PSMA5: variants seen among roughly 807,000 people sequenced by gnomAD.
PSMA5 encodes proteasome subunit alpha type-5.
Under a neutral mutation model 34.5 loss-of-function variants are expected in PSMA5, and 3 were observed. The observed-to-expected ratio is 0.09, with a 90% CI of 0.04 to 0.22. The LOEUF (loss-of-function observed/expected upper bound fraction) is 0.22, where lower values mean the gene tolerates loss of function less well. PSMA5 is among the 10% of genes least tolerant of loss of function. The pLI is 1.00. For synonymous variants in PSMA5, 88 were observed against 95.8 expected, an observed-to-expected ratio of 0.92 and a Z score of 0.47; for missense variants, 120 against 286.1, an observed-to-expected ratio of 0.42 and a Z score of 4.19.
intron 8 of PSMA5, among the ~76,000 whole-genome samples, chr1:109,402,498 C>T (rs1457505784): frequency 6.6e-6 from 1 of 152,168 alleles, no homozygotes; most frequent in Non-Finnish European, 1.5e-5. Flanking sequence ...CTTGAGGTTA[C>T]TTGGCCACTC....
chr1:109,412,629 T>TAAAA lies in PSMA5; in HGVS notation c.291+435_291+438dup, dbSNP rs5776976. On this transcript the variant is annotated intron_variant, in intron 4 of 8. Coordinates refer to ENST00000271308, the MANE Select transcript of PSMA5 (RefSeq NM_002790.4). ...ATCTTCAAGCAGCAGCTACAAAGTTTAAAAAAAAAAAAAACAGTATCCCTG... is the reference window on the plus strand; with the variant it reads ...ATCTTCAAGCAGCAGCTACAAAGTTTAAAAAAAAAAAAAAAAAACAGTATCCCTG... 2.8e-3 allele frequency: 425 copies of TAAAA among 150,510 alleles called. 4 individuals carry two copies. Among genetic ancestry groups the TAAAA allele is most frequent in the African/African-American group, 0.01 (399 of 39,046 alleles). 9.3% of individuals were successfully genotyped at this position (150,510 alleles called of 1,614,324 possible). A position where few individuals can be genotyped will look rare whatever the true frequency, so the allele number is the denominator to read the frequency against.
chr1:109,402,107 A>G lies in PSMA5; in HGVS notation c.649-17T>C. On this transcript the variant is annotated splice_polypyrimidine_tract_variant and intron_variant, in intron 8 of 8. Transcript: ENST00000271308. The stretch of plus-strand genomic sequence containing the variant: ...TGTGGCTAGCTGGAAAGAAAACAGA[A>G]GGGTTAATAAGCTGGGCTGAGTTAC... 1 of 1,597,302 alleles carries G rather than the reference A, an allele frequency of 6.3e-7. No homozygotes were observed. Among genetic ancestry groups the G allele is most frequent in the Non-Finnish European group, 8.6e-7 (1 of 1,167,024 alleles).
rs114999331 is a variant in PSMA5, at chr1:109,422,433, G to A, written c.30-507C>T. Among the ~76,000 whole-genome samples the A allele has an allele frequency of 5.4e-3, 815 of 151,912 alleles. 4 individuals are homozygous for A. Among genetic ancestry groups the A allele is most frequent in the Admixed American group, 9.5e-3 (145 of 15,270 alleles). On this transcript the variant is annotated intron_variant, in intron 1 of 8. Transcript: ENST00000271308. ...AGGTATTGACTCGTGGAGCAAGTAG[G>A]AAGAGTTTTCCCCCTAATTCAGACA... is the stretch of plus-strand genomic sequence containing the variant.
chr1:109,426,386 CCACCGGCACCCAACT>C lies in PSMA5; in HGVS notation c.-71_-57del, dbSNP rs568267405. On this transcript the variant is annotated 5_prime_UTR_variant, in exon 1 of 9. Coordinates refer to ENST00000271308, the MANE Select transcript of PSMA5 (RefSeq NM_002790.4). ...GGGGATTCTGAGGACCAACACGACT[CCACCGGCACCCAACT>C]CACCGGCAGCCAACTCACCCACACG... is the stretch of plus-strand genomic sequence containing the variant. The C allele has an allele frequency of 1.2e-4, 200 of 1,603,350 alleles. No homozygotes were observed. In the East Asian group the frequency reaches 4.0e-3, roughly 32 times the overall value.
rs1298785183 is a variant in PSMA5, at chr1:109,421,850, G to A, written c.96+10C>T. ...TGAAATTTCAGGACCTATGCTACTT[G>A]CTACTATACCTTGATAGCCTCAATG... On this transcript the variant is annotated intron_variant, in intron 2 of 8. Transcript: ENST00000271308. 6 of 1,554,320 alleles carry A rather than the reference G, an allele frequency of 3.9e-6. No homozygotes were observed. Among genetic ancestry groups the A allele is most frequent in the Non-Finnish European group, 5.2e-6 (6 of 1,156,788 alleles).
intron 2 of PSMA5, among the ~76,000 whole-genome samples, chr1:109,416,147 C>T (rs1654185388): frequency 6.6e-6 from 1 of 152,076 alleles, no homozygotes; most frequent in African/African-American, 2.4e-5. Context: ...ATTCATATTC[C>T]ATGCCTAGAT....
At chr1:109,416,998 G>A (rs908043481) in intron 2 of PSMA5, among the ~76,000 whole-genome samples, 1 of 152,180 alleles carries the variant, frequency 6.6e-6, no homozygotes, top group African/African-American at 2.4e-5. Flanking sequence ...CCAGCTACGC[G>A]GAAGGCTGAA....
chr1:109,426,336 G>C lies in PSMA5; in HGVS notation c.-6C>G, dbSNP rs781723154. The C allele has an allele frequency of 6.2e-7, 1 of 1,614,144 alleles. No homozygotes were observed. Among genetic ancestry groups the C allele is most frequent in the Non-Finnish European group, 8.5e-7 (1 of 1,180,026 alleles). On this transcript the variant is annotated 5_prime_UTR_variant, in exon 1 of 9. Transcript: ENST00000271308. ...TCAGACCGGGTAAGAAACATGGCGA[G>C]GGTAGGAGGAGGCAGCGGCTACGCG...
chr1:109,425,983 C>A, intron 1 of PSMA5: 1 of 508,716 alleles, frequency 2.0e-6, no homozygotes, highest in South Asian at 2.6e-5. Flanking sequence ...ATGAACGGAG[C>A]AAAGAGTGAC....
At chr1:109,417,912 C>T (rs1313901884) in intron 2 of PSMA5, among the ~76,000 whole-genome samples, 2 of 152,146 alleles carry the variant, frequency 1.3e-5, no homozygotes, top group African/African-American at 4.8e-5. Context: ...TTGATATCTA[C>T]TGCTCTGTTT....
intron 1 of PSMA5, among the ~76,000 whole-genome samples, chr1:109,424,131 ACT>A (rs762591043): frequency 1.3e-5 from 2 of 151,764 alleles, no homozygotes; most frequent in Non-Finnish European, 2.9e-5. Flanking sequence ...TTAAATTCCT[ACT>A]CTTTCAAGAA....
chr1:109,420,267 C>T (rs1654387209), intron 2 of PSMA5, among the ~76,000 whole-genome samples: 2 of 152,052 alleles, frequency 1.3e-5, no homozygotes, highest in African/African-American at 4.8e-5. Context: ...GAGAGGGTCA[C>T]CCTATCCCCA....
At chr1:109,423,237 G>A (rs1654518599) in intron 1 of PSMA5, among the ~76,000 whole-genome samples, 1 of 152,192 alleles carries the variant, frequency 6.6e-6, no homozygotes, top group African/African-American at 2.4e-5. Flanking sequence ...TCAGGAGTTC[G>A]AGACCAGGCT....
chr1:109,407,749 C>T (rs1653836097), intron 8 of PSMA5, among the ~76,000 whole-genome samples: 5 of 152,142 alleles, frequency 3.3e-5, no homozygotes. Context: ...TCAAGCAATT[C>T]TCATGCCTCA....
At chr1:109,410,797 G>T (rs1653956788) in intron 7 of PSMA5, among the ~76,000 whole-genome samples, 1 of 152,160 alleles carries the variant, frequency 6.6e-6, no homozygotes, top group Non-Finnish European at 1.5e-5. Flanking sequence ...AAAACTAATG[G>T]AGAGTGGTAA....
chr1:109,422,868 G>T (rs1486623717), intron 1 of PSMA5, among the ~76,000 whole-genome samples: 1 of 152,210 alleles, frequency 6.6e-6, no homozygotes, highest in African/African-American at 2.4e-5. Flanking sequence ...GATCCATGTA[G>T]TTCCTAATTC....
chr1:109,407,843 CTA>C (rs1173058226), intron 8 of PSMA5, among the ~76,000 whole-genome samples: 2 of 152,096 alleles, frequency 1.3e-5, no homozygotes, highest in Non-Finnish European at 1.5e-5. Flanking sequence ...CGGGGTTTCA[CTA>C]TGTTGGCCAG....
chr1:109,414,548 C>A (rs1201078478), intron 3 of PSMA5, among the ~76,000 whole-genome samples: 1 of 152,176 alleles, frequency 6.6e-6, no homozygotes, highest in African/African-American at 2.4e-5. Flanking sequence ...TTGTTGAACA[C>A]AGTGACACTG....
chr1:109,418,549 T>A (rs1175998883), intron 2 of PSMA5, among the ~76,000 whole-genome samples: 2 of 152,196 alleles, frequency 1.3e-5, no homozygotes, highest in Non-Finnish European at 2.9e-5. Context: ...ACTTCTAGAC[T>A]CAAGCAGTCC....
Sources: allele counts gnomAD v4.1 joint callset (sites outside exome capture counted in the v4.1 genomes callset), GRCh38; gene constraint gnomAD v4.1.1; transcripts MANE v1.5; gene names NCBI Gene and HGNC (gene_info 2026-07-23, HGNC 2026-07-21).